The following MYT1 variants were observed in gnomAD, a reference collection of about 807,000 sequenced individuals.
MYT1 encodes myelin transcription factor 1, also known as myelin transcription factor I.
A neutral mutation model predicts 123.0 loss-of-function variants in MYT1; 23 were observed. The observed-to-expected ratio is 0.19, with a 90% CI of 0.13 to 0.26. The LOEUF is 0.26. Ranked by LOEUF, MYT1 falls within the 10% of genes least tolerant of loss-of-function variation. The pLI, the probability that MYT1 is intolerant of heterozygous loss-of-function variation, is 1.00. For missense variants in MYT1, 1,125 were observed against 1,472.5 expected (o/e 0.76, Z 3.86); for synonymous variants, 518 against 575.3 (o/e 0.90, Z 1.43).
Position 64,241,209 on chromosome 20 carries a change from G to C in MYT1, c.*761G>C, listed in dbSNP as rs1388681033. ...GGATCCACGTCTAGGGACCACTCTG[G>C]CTTCTGTGCATCCACCCAGGCCCCC... On this transcript the variant is annotated 3_prime_UTR_variant, in exon 23 of 23. Transcript: ENST00000328439. The surrounding 1 kb of genome is among the most constrained non-coding windows in gnomAD (Gnocchi z 4.2). 1 of 152,202 alleles carries C rather than the reference G, an allele frequency of 6.6e-6. No individual in the cohort carries two copies. Among genetic ancestry groups the C allele is most frequent in the African/African-American group, 2.4e-5 (1 of 41,418 alleles). 9.4% of individuals were successfully genotyped at this position (152,202 alleles called of 1,614,324 possible).
At position 64,223,249 on chromosome 20, in the gene MYT1, C is replaced by A. The variant is rs773175620; in HGVS notation, c.2460-42C>A. The A allele has an allele frequency of 1.9e-6, 3 of 1,613,514 alleles. No homozygotes were observed. In the Admixed American group the frequency reaches 5.0e-5, roughly 27 times the overall value. On this transcript the variant is annotated intron_variant, in intron 15 of 22. Coordinates refer to ENST00000328439, the MANE Select transcript of MYT1 (RefSeq NM_004535.3). ...TCCTCCTCTCCTCCTCCTCTGCTCT[C>A]CCTCTTTGGCTTACCCCAATATCCC...
rs750624678 is a variant in MYT1, at chr20:64,208,054, AGAGGAG to A, written c.867_872del (p.Glu305_Glu306del). 34 of 1,589,466 alleles carry A rather than the reference AGAGGAG, an allele frequency of 2.1e-5. No homozygotes were observed. The highest frequency in any genetic ancestry group is 8.2e-5 in the African/African-American group (6 of 72,902). ...AAGAGGAAGAGGAGGAGGAAGAGGA[AGAGGAG>A]GAGGAGGAAGAGGAAGAGGAGGAGG... is the stretch of plus-strand genomic sequence containing the variant. On this transcript the variant is annotated inframe_deletion, in exon 7 of 23. Coordinates refer to ENST00000328439, the MANE Select transcript of MYT1 (RefSeq NM_004535.3). This position sits in a 1 kb window ranked among gnomAD's most constrained non-coding sequence, Gnocchi z 5.4.
chr20:64,234,531 C>A (rs937479428), intron 19 of MYT1, among the ~76,000 whole-genome samples: 3 of 152,190 alleles, frequency 2.0e-5, no homozygotes, highest in African/African-American at 4.8e-5. Context: ...CATAGGGAGG[C>A]CCTCCAGGTC....
intron 3 of MYT1, among the ~76,000 whole-genome samples, 186 bp from the exon 4 acceptor site, chr20:64,199,706 G>A (rs990060829): frequency 1.3e-5 from 2 of 152,192 alleles, no homozygotes; most frequent in Non-Finnish European, 2.9e-5. Flanking sequence ...TGTTGACCTT[G>A]GAGGACTCTC....
chr20:64,200,937 C>T (rs1165598286), intron 4 of MYT1, among the ~76,000 whole-genome samples: 1 of 152,160 alleles, frequency 6.6e-6, no homozygotes, highest in African/African-American at 2.4e-5. Context: ...CAGGGGTCGG[C>T]TCCCTGGAAG....
intron 1 of MYT1, among the ~76,000 whole-genome samples, chr20:64,188,128 G>A (rs1278580402): frequency 6.6e-6 from 1 of 152,210 alleles, no homozygotes; most frequent in Non-Finnish European, 1.5e-5. Flanking sequence ...ACTCCCATGG[G>A]TGGGTGTGGG....
intron 11 of MYT1, among the ~76,000 whole-genome samples, chr20:64,217,927 G>A (rs1004558152): frequency 1.3e-5 from 2 of 152,244 alleles, no homozygotes; most frequent in African/African-American, 4.8e-5. Flanking sequence ...CCTAATTTGT[G>A]GAATAAGCCC....
chr20:64,192,410 G>A lies in MYT1; in HGVS notation c.-1+2250G>A, dbSNP rs964078412. Among the ~76,000 whole-genome samples the A allele has an allele frequency of 4.6e-5, 7 of 152,314 alleles. No homozygotes were observed. The South Asian group carries it at 1.2e-3, about 27-fold the overall frequency. ...AGGGTGGCAGCAGAGGGCATAAGCCGTGGTCACAGTGTGAGAATGTCACAC... is the reference window on the plus strand; with the variant it reads ...AGGGTGGCAGCAGAGGGCATAAGCCATGGTCACAGTGTGAGAATGTCACAC... On this transcript the variant is annotated intron_variant, in intron 2 of 22. Transcript: ENST00000328439. This position sits in a 1 kb window ranked among gnomAD's most constrained non-coding sequence, Gnocchi z 5.3.
intron 18 of MYT1, among the ~76,000 whole-genome samples, chr20:64,230,792 C>G (rs994989523): frequency 2.0e-5 from 3 of 152,322 alleles, no homozygotes; most frequent in Admixed American, 6.5e-5. Context: ...CTAAAAGTTT[C>G]TGAGGGCCAG....
rs1009628103 is a variant in MYT1 at position 64,232,522 on chromosome 20, CA to C, written c.2897+138del. ...GTTGCTCAAGGGAAAGGCCAGGCCA[CA>C]TGGGTAGCGGATGGGGGAGGCTAGC... On this transcript the variant is annotated intron_variant, in intron 19 of 22. Transcript: ENST00000328439. This position sits in a 1 kb window ranked among gnomAD's most constrained non-coding sequence, Gnocchi z 6.9. The C allele has an allele frequency of 3.7e-6, 3 of 817,642 alleles. No individual in the cohort carries two copies. Among genetic ancestry groups the C allele is most frequent in the African/African-American group, 1.7e-5 (1 of 58,388 alleles). 50.6% of individuals were successfully genotyped at this position (817,642 alleles called of 1,614,324 possible).
rs751535010 is a variant in MYT1, at chr20:64,205,717, C to T, written c.314C>T (p.Ser105Leu). ...ACTGAGGTGAAGGACGCCTCTGTTTCGGATGAATCGGAAGGAACTCTGGAG... is the reference window on the plus strand; with the variant it reads ...ACTGAGGTGAAGGACGCCTCTGTTTTGGATGAATCGGAAGGAACTCTGGAG... Reference protein sequence around the residue: ...EDTEVKDASVSDESEGTLEGA... With the variant: ...EDTEVKDASVLDESEGTLEGA... The change falls in exon 6 of 23, where the codon TCG (serine) becomes TTG (leucine). Residue 105 changes from serine to leucine, a missense_variant. Physicochemically the swap from Ser to Leu is moderately radical, Grantham distance 145 (BLOSUM62 -2). Coordinates refer to ENST00000328439, the MANE Select transcript of MYT1 (RefSeq NM_004535.3). 31 of 1,614,046 alleles carry T rather than the reference C, an allele frequency of 1.9e-5. No homozygotes were observed. Among genetic ancestry groups the T allele is most frequent in the African/African-American group, 9.3e-5 (7 of 74,932 alleles).
chr20:64,211,177 C>T (rs767289484), intron 7 of MYT1, 29 bp from the exon 8 acceptor site: 2 of 1,596,110 alleles, frequency 1.3e-6, no homozygotes, highest in East Asian at 2.3e-5. Context: ...AGCTTCCTGG[C>T]TCTAACTGAT....
In MYT1 at chr20:64,186,161, G is replaced by GC. The variant is rs1017714743; in HGVS notation, c.-98-3898dup. Among the ~76,000 whole-genome samples, 2 of 152,080 alleles carry GC rather than the reference G, an allele frequency of 1.3e-5. No homozygotes were observed. Among genetic ancestry groups the GC allele is most frequent in the Admixed American group, 6.5e-5 (1 of 15,280 alleles). On this transcript the variant is annotated intron_variant, in intron 1 of 22. Coordinates refer to ENST00000328439, the MANE Select transcript of MYT1 (RefSeq NM_004535.3). The surrounding 1 kb of genome is among the most constrained non-coding windows in gnomAD (Gnocchi z 4.3). ...TTCCTGAGTTTTTCTGCCCACAAGA[G>GC]CCCCATAAAAGTGAGTGTGGGGCCA...
At position 64,212,007 on chromosome 20, in the gene MYT1, T is replaced by A; in HGVS notation, c.1427-41T>A. Reference sequence around the variant, plus strand: ...CACACAGCTGGCGCTCCCCAGATTCTCTGACAGCCTCGGCTCCCTCCACCC... The same window carrying A: ...CACACAGCTGGCGCTCCCCAGATTCACTGACAGCCTCGGCTCCCTCCACCC... On this transcript the variant is annotated intron_variant, in intron 8 of 22. Transcript: ENST00000328439. This position sits in a 1 kb window ranked among gnomAD's most constrained non-coding sequence, Gnocchi z 6.8. The A allele has an allele frequency of 6.4e-7, 1 of 1,560,564 alleles. No individual in the cohort carries two copies. Among genetic ancestry groups the A allele is most frequent in the Non-Finnish European group, 8.8e-7 (1 of 1,132,940 alleles).
At position 64,232,191 on chromosome 20, in the gene MYT1, C is replaced by T. The variant is rs140320582; in HGVS notation, c.2703C>T (p.Leu901=). 6.5e-5 allele frequency: 105 copies of T among 1,613,066 alleles called. No homozygotes were observed. The East Asian group carries it at 1.5e-3, about 23-fold the overall frequency. The part of the protein sequence containing the change: ...MKCPVPGCVG[L]GHISGKYASH... ...GCCCAGTTCCAGGCTGTGTGGGGCT[C>T]GGTCACATCAGCGGGAAATACGCCT... Residue 901 remains leucine (L), a synonymous_variant, in exon 19 of 23, where the codon CTC becomes CTT. Transcript: ENST00000328439. The surrounding 1 kb of genome is among the most constrained non-coding windows in gnomAD (Gnocchi z 6.9).
chr20:64,176,440 C>T (rs1288420477), intron 1 of MYT1, among the ~76,000 whole-genome samples: 29 of 146,798 alleles, frequency 2.0e-4, no homozygotes, highest in African/African-American at 6.8e-4. Context: ...GCTTCTCCTG[C>T]AGCATCTTTC....
chr20:64,170,931 A>ACGGAGT lies in MYT1; in HGVS notation c.-99+6192_-99+6193insCGGAGT, dbSNP rs1442785025. ...GAGAGAGAGAGAGAGAGAGAGAGAG[A>ACGGAGT]GAGACGGAGTCTTGCTCTGTTGGCC... On this transcript the variant is annotated intron_variant, in intron 1 of 22. Coordinates refer to ENST00000328439, the MANE Select transcript of MYT1 (RefSeq NM_004535.3). Among the ~76,000 whole-genome samples the ACGGAGT allele has an allele frequency of 3.4e-3, 425 of 126,118 alleles. 5 individuals carry two copies. Among genetic ancestry groups the ACGGAGT allele is most frequent in the African/African-American group, 5.6e-3 (174 of 31,198 alleles). 82.7% of individuals were successfully genotyped at this position (126,118 alleles called of 152,430 possible).
At position 64,170,059 on chromosome 20, in the gene MYT1, C is replaced by T. The variant is rs188588303; in HGVS notation, c.-99+5320C>T. On this transcript the variant is annotated intron_variant, in intron 1 of 22. Coordinates refer to ENST00000328439, the MANE Select transcript of MYT1 (RefSeq NM_004535.3). The stretch of plus-strand genomic sequence containing the variant: ...TCACTGCCCTCGTGTCTCTTCCTCA[C>T]AGCCTGGGACATATCTAGAGCCTGT... Among the ~76,000 whole-genome samples, 508 of 152,144 alleles carry T rather than the reference C, an allele frequency of 3.3e-3. 4 individuals carry two copies. Among genetic ancestry groups the T allele is most frequent in the South Asian group, 0.026 (123 of 4,812 alleles).
At chr20:64,165,347 CCT>C (rs1982050231) in intron 1 of MYT1, among the ~76,000 whole-genome samples, 1 of 152,114 alleles carries the variant, frequency 6.6e-6, no homozygotes, top group South Asian at 2.1e-4. Flanking sequence ...CCTCTCAGCC[CCT>C]TTTTTCGCTA....
Sources: gnomAD v4.1 joint callset for allele counts (sites outside exome capture counted in the v4.1 genomes callset) on GRCh38, gnomAD v4.1.1 for gene constraint, Gnocchi (gnomAD v3.1) non-coding constraint, MANE v1.5 for transcripts, NCBI Gene and HGNC (gene_info 2026-07-23, HGNC 2026-07-21) for gene names.